Variants in ATP2C2 observed in about 807,000 individuals in gnomAD.
The protein encoded by ATP2C2 is ATPase secretory pathway Ca2+ transporting 2, also known as calcium-transporting ATPase type 2C member 2.
A neutral mutation model predicts 110.8 loss-of-function variants in ATP2C2; 171 were observed. That is an observed-to-expected ratio of 1.54 (90% CI 1.36 to 1.75). The LOEUF (loss-of-function observed/expected upper bound fraction) is 1.75. Ranked by LOEUF, ATP2C2 falls within the 40% of genes most tolerant of loss-of-function variation. The probability of loss-of-function intolerance (pLI) is 0.00; values close to 1 mark genes in which losing one functional copy is unlikely to be tolerated. For missense variants in ATP2C2, 1,963 were observed against 1,235.0 expected (o/e 1.59, Z -8.84); for synonymous variants, 804 against 508.4 (o/e 1.58, Z -7.82).
At chr16:84,459,221 A>C in intron 22 of ATP2C2, 33 bp downstream of exon 22, 1 of 1,614,174 alleles carries the variant, frequency 6.2e-7, no homozygotes, top group Non-Finnish European at 8.5e-7. Context: ...AGTGTCATTA[A>C]GCACCACGCC....
At chr16:84,456,118 G>A (rs1910767603) in intron 21 of ATP2C2, among the ~76,000 whole-genome samples, 1 of 109,468 alleles carries the variant, frequency 9.1e-6, no homozygotes, top group Non-Finnish European at 1.9e-5. Flanking sequence ...GCCCGGCTTT[G>A]GTATCAGAAT....
rs1910349217 is a variant in ATP2C2, at chr16:84,452,192, T to A, written c.1831+101T>A. ...AAGCCTCCGCAAACTCGGTCAGGAG[T>A]GCTCACGCCTAGCCCTACAGGCTTA... On this transcript the variant is annotated intron_variant, in intron 18 of 26. Transcript: ENST00000262429. 6.4e-6 allele frequency: 9 copies of A among 1,414,682 alleles called. No individual in the cohort carries two copies. The East Asian group carries it at 2.1e-4, about 33-fold the overall frequency. The allele number at this position is 1,414,682 out of a possible 1,614,324, so 87.6% of individuals were successfully genotyped here. A position where few individuals can be genotyped will look rare whatever the true frequency, so the allele number is the denominator to read the frequency against.
At chr16:84,455,065 G>A (rs1910665940) in intron 21 of ATP2C2, 81 bp downstream of exon 21, 1 of 1,245,842 alleles carries the variant, frequency 8.0e-7, no homozygotes, top group Non-Finnish European at 1.1e-6. Context: ...CTACTGTGGA[G>A]ATAGAGGGGG....
Position 84,452,857 on chromosome 16 carries a change from T to G in ATP2C2, c.1832-281T>G, listed in dbSNP as rs375015670. ...TGGTGCTGGGAAAAGGTTCACGGGCTTTGGAATCAGAGCCGTGTCAGGTTC... is the reference window on the plus strand; with the variant it reads ...TGGTGCTGGGAAAAGGTTCACGGGCGTTGGAATCAGAGCCGTGTCAGGTTC... On this transcript the variant is annotated intron_variant, in intron 18 of 26. Coordinates refer to ENST00000262429, the MANE Select transcript of ATP2C2 (RefSeq NM_014861.4). Among the ~76,000 whole-genome samples, 21 of 152,246 alleles carry G rather than the reference T, an allele frequency of 1.4e-4. No individual in the cohort carries two copies. In the East Asian group the frequency reaches 2.7e-3, roughly 20 times the overall value.
At chr16:84,461,683 C>T (rs755659013) in intron 24 of ATP2C2, 31 bp from the exon 25 acceptor site, 1 of 1,595,176 alleles carries the variant, frequency 6.3e-7, no homozygotes, top group East Asian at 2.2e-5. Flanking sequence ...CTCTTCCCGC[C>T]TAACCTCTCA....
In ATP2C2 at chr16:84,451,966, T is replaced by C. The variant is rs1384297560; in HGVS notation, c.1706T>C (p.Leu569Pro). Residue 569 changes from leucine (L) to proline (P), a missense_variant, in exon 18 of 27, where the codon CTC becomes CCC. Transcript: ENST00000262429. Reference sequence around the variant, plus strand: ...CCCGAGCTGGGGCGGCTGACGTTTCTCGGTCTTGTGGGCATCATTGACCCC... The same window carrying C: ...CCCGAGCTGGGGCGGCTGACGTTTCCCGGTCTTGTGGGCATCATTGACCCC... Reference protein sequence around the residue: ...SGPELGRLTFLGLVGIIDPPR... With the variant: ...SGPELGRLTFPGLVGIIDPPR... 7 of 1,613,848 alleles carry C rather than the reference T, an allele frequency of 4.3e-6. No individual in the cohort carries two copies. The highest frequency in any genetic ancestry group is 1.7e-5 in the Admixed American group (1 of 59,988).
chr16:84,453,268 C>G, intron 19 of ATP2C2, 33 bp downstream of exon 19: 1 of 1,614,028 alleles, frequency 6.2e-7, no homozygotes. Context: ...GGCAGTGGGG[C>G]TGGGTCACAG....
intron 21 of ATP2C2, among the ~76,000 whole-genome samples, chr16:84,456,446 C>G (rs552143171): frequency 1.3e-5 from 2 of 148,640 alleles, no homozygotes; most frequent in East Asian, 2.0e-4. Flanking sequence ...CAGGGATGCC[C>G]TCTCTCACCG....
At chr16:84,432,470 T>A (rs1036483629) in intron 11 of ATP2C2, among the ~76,000 whole-genome samples, 2 of 151,706 alleles carry the variant, frequency 1.3e-5, no homozygotes, top group Non-Finnish European at 2.9e-5. Context: ...TCCCCCTCCC[T>A]GTGTCCATGT....
intron 1 of ATP2C2, among the ~76,000 whole-genome samples, chr16:84,373,606 T>C (rs1209365403): frequency 3.9e-5 from 6 of 152,174 alleles, no homozygotes; most frequent in African/African-American, 1.4e-4. Flanking sequence ...TTGATGCAAG[T>C]CTAGGTCCAG....
At chr16:84,439,031 G>C in intron 11 of ATP2C2, 135 bp from the exon 12 acceptor site, 1 of 1,333,356 alleles carries the variant, frequency 7.5e-7, no homozygotes, top group South Asian at 1.4e-5. Context: ...CCTTAGGATT[G>C]GGAATGGAGA....
chr16:84,463,573 T>TG, intron 26 of ATP2C2, 41 bp from the exon 27 acceptor site: 2 of 1,558,754 alleles, frequency 1.3e-6, no homozygotes, highest in Non-Finnish European at 1.8e-6. Flanking sequence ...GCAACAGAGC[T>TG]GCAGCCCGTC....
rs113736410 is a variant in ATP2C2 at position 84,446,893 on chromosome 16, C to A, written c.1503+463C>A. On this transcript the variant is annotated intron_variant, in intron 16 of 26. Coordinates refer to ENST00000262429, the MANE Select transcript of ATP2C2 (RefSeq NM_014861.4). ...GCAGCCCTGTGCTAAGTTTTTTATACTTCTTAGCTCATCTCCCCGTCATAC... is the reference window on the plus strand; with the variant it reads ...GCAGCCCTGTGCTAAGTTTTTTATAATTCTTAGCTCATCTCCCCGTCATAC... Among the ~76,000 whole-genome samples the A allele has an allele frequency of 6.2e-3, 950 of 152,238 alleles. 13 individuals carry two copies. Among genetic ancestry groups the A allele is most frequent in the African/African-American group, 0.021 (888 of 41,518 alleles).
chr16:84,418,983 T>C lies in ATP2C2; in HGVS notation c.624+3392T>C, dbSNP rs564190505. Among the ~76,000 whole-genome samples the C allele has an allele frequency of 1.8e-4, 28 of 151,760 alleles. No individual in the cohort carries two copies. In the South Asian group the frequency reaches 5.4e-3, roughly 29 times the overall value. On this transcript the variant is annotated intron_variant, in intron 7 of 26. Transcript: ENST00000262429. Reference sequence around the variant, plus strand: ...CAGCACTTTGGGAGGCTGAGGTGGGTGGATCACCTGAGGTCAGGAGTTGGA... The same window carrying C: ...CAGCACTTTGGGAGGCTGAGGTGGGCGGATCACCTGAGGTCAGGAGTTGGA...
intron 1 of ATP2C2, among the ~76,000 whole-genome samples, chr16:84,393,065 T>C (rs1904755684): frequency 1.3e-5 from 2 of 152,152 alleles, no homozygotes; most frequent in Admixed American, 1.3e-4. Flanking sequence ...CATGGCAATG[T>C]CCTGATCAGC....
Position 84,394,002 on chromosome 16 carries a change from C to CAAAA in ATP2C2, c.100-4492_100-4489dup, listed in dbSNP as rs202138049. 4.3e-5 allele frequency among the ~76,000 whole-genome samples: 5 copies of CAAAA among 117,510 alleles called. 1 individual carries two copies. Among genetic ancestry groups the CAAAA allele is most frequent in the African/African-American group, 6.6e-5 (2 of 30,398 alleles). The allele number at this position is 117,510 out of a possible 152,430, so 77.1% of individuals were successfully genotyped here. On this transcript the variant is annotated intron_variant, in intron 1 of 26. Coordinates refer to ENST00000262429, the MANE Select transcript of ATP2C2 (RefSeq NM_014861.4). ...AAAACCTTGTCTCAATTAAAAATAC[C>CAAAA]AAAAAAAATAAAAAAATAAAAAATA...
chr16:84,399,847 T>C (rs1317799783), intron 2 of ATP2C2, among the ~76,000 whole-genome samples: 1 of 152,210 alleles, frequency 6.6e-6, no homozygotes, highest in Non-Finnish European at 1.5e-5. Flanking sequence ...TGCCAGCAAA[T>C]ACTAGGTCTT....
intron 1 of ATP2C2, among the ~76,000 whole-genome samples, chr16:84,371,785 C>T (rs974310381): frequency 2.0e-5 from 3 of 152,166 alleles, no homozygotes; most frequent in African/African-American, 7.2e-5. Flanking sequence ...TCCCAACAGA[C>T]GAATGTAGTG....
At chr16:84,377,922 GC>G (rs1017137747) in intron 1 of ATP2C2, among the ~76,000 whole-genome samples, 5 of 152,298 alleles carry the variant, frequency 3.3e-5, no homozygotes, top group Middle Eastern at 3.4e-3. Context: ...CGGGCATGGT[GC>G]CCCACTAGCT....
Sources: allele counts gnomAD v4.1 joint callset (sites outside exome capture counted in the v4.1 genomes callset), GRCh38; gene constraint gnomAD v4.1.1; transcripts MANE v1.5; gene names NCBI Gene and HGNC (gene_info 2026-07-23, HGNC 2026-07-21).